The following ADAM18 variants were observed in gnomAD, a reference collection of about 807,000 sequenced individuals.
ADAM18 encodes ADAM metallopeptidase domain 18.
In ADAM18, 117 loss-of-function variants were observed where a neutral mutation model predicts 94.4. The ratio of observed to expected loss-of-function variants is 1.24; its 90% CI spans 1.07 to 1.45. ADAM18 has a LOEUF of 1.45. Ranked by LOEUF, ADAM18 falls within the 40% of genes most tolerant of loss-of-function variation. ADAM18 has a pLI of 0.00. For synonymous variants in ADAM18, 327 were observed against 291.6 expected (o/e 1.12, Z -1.24); for missense variants, 936 against 880.0 (o/e 1.06, Z -0.81).
intron 12 of ADAM18, among the ~76,000 whole-genome samples, chr8:39,649,894 T>C (rs1181375594): frequency 2.0e-5 from 3 of 152,208 alleles, no homozygotes; most frequent in Non-Finnish European, 4.4e-5. Context: ...TAAATCCAGC[T>C]GCCGCCCGCC....
At chr8:39,621,498 T>A (rs1011017470) in intron 6 of ADAM18, among the ~76,000 whole-genome samples, 3 of 151,778 alleles carry the variant, frequency 2.0e-5, no homozygotes, top group Non-Finnish European at 4.4e-5. Context: ...ATATGGAAAA[T>A]AAAAATAATC....
chr8:39,608,310 T>G (rs1237579290), intron 3 of ADAM18, among the ~76,000 whole-genome samples: 2 of 151,882 alleles, frequency 1.3e-5, no homozygotes, highest in Admixed American at 6.6e-5. Context: ...TTGTTTGTCC[T>G]GCAGATTATT....
chr8:39,670,017 T>C (rs1046828450), intron 14 of ADAM18, among the ~76,000 whole-genome samples: 3 of 152,222 alleles, frequency 2.0e-5, no homozygotes, highest in African/African-American at 7.2e-5. Flanking sequence ...CTAACTGGTG[T>C]GAGATGGTAT....
chr8:39,685,222 C>T (rs1473756929), intron 16 of ADAM18: 3 of 152,324 alleles, frequency 2.0e-5, no homozygotes, highest in Non-Finnish European at 2.9e-5. Context: ...GCCATGCCTC[C>T]ACAGCTTGTT....
intron 12 of ADAM18, among the ~76,000 whole-genome samples, chr8:39,650,099 A>T (rs867355477): frequency 1.1e-4 from 17 of 152,200 alleles, no homozygotes; most frequent in Non-Finnish European, 2.4e-4. Flanking sequence ...AGTAATTTGA[A>T]CTATATGAAA....
At chr8:39,637,848 T>C in intron 9 of ADAM18, 145 bp downstream of exon 9, 2 of 607,198 alleles carry the variant, frequency 3.3e-6, no homozygotes, top group Non-Finnish European at 5.1e-6. Flanking sequence ...GAGGTGCTAG[T>C]GTACTTAAAA....
chr8:39,588,515 T>C (rs1244919272), intron 2 of ADAM18, among the ~76,000 whole-genome samples: 1 of 152,218 alleles, frequency 6.6e-6, no homozygotes, highest in Non-Finnish European at 1.5e-5. Flanking sequence ...TATATTCTTC[T>C]ATTCCATAAA....
intron 17 of ADAM18, among the ~76,000 whole-genome samples, chr8:39,701,023 C>G (rs1338445343): frequency 7.3e-6 from 1 of 137,050 alleles, no homozygotes; most frequent in Non-Finnish European, 1.5e-5. Context: ...GAGGCTGAGG[C>G]AGGAGAATGG....
chr8:39,699,450 G>A (rs1247642362), intron 17 of ADAM18, among the ~76,000 whole-genome samples: 2 of 151,832 alleles, frequency 1.3e-5, no homozygotes. Context: ...TCCTAAAGCT[G>A]AATGATATTT....
chr8:39,688,011 G>T (rs1821654514), intron 16 of ADAM18, among the ~76,000 whole-genome samples: 1 of 152,120 alleles, frequency 6.6e-6, no homozygotes, highest in Admixed American at 6.6e-5. Context: ...GGGTCAAATT[G>T]TAGCTCTGTT....
chr8:39,622,883 T>C (rs1819654213), intron 6 of ADAM18, among the ~76,000 whole-genome samples: 1 of 152,112 alleles, frequency 6.6e-6, no homozygotes, highest in African/African-American at 2.4e-5. Context: ...TATATATATA[T>C]TTTTTCGTTT....
chr8:39,612,871 C>G (rs1819318953), intron 6 of ADAM18, among the ~76,000 whole-genome samples: 1 of 152,086 alleles, frequency 6.6e-6, no homozygotes, highest in Non-Finnish European at 1.5e-5. Flanking sequence ...CATGCATGTG[C>G]TAATAGCCTC....
chr8:39,607,157 T>C, intron 3 of ADAM18, among the ~76,000 whole-genome samples: 1 of 152,182 alleles, frequency 6.6e-6, no homozygotes, highest in Non-Finnish European at 1.5e-5. Flanking sequence ...AGTATAAAGT[T>C]CAATAATTTT....
chr8:39,607,847 C>T (rs1819138954), intron 3 of ADAM18, among the ~76,000 whole-genome samples: 1 of 148,212 alleles, frequency 6.7e-6, no homozygotes, highest in South Asian at 2.1e-4. Context: ...ATTCAATCAT[C>T]TGGTTGTTTA....
chr8:39,619,331 T>C (rs957597285), intron 6 of ADAM18, among the ~76,000 whole-genome samples: 4 of 152,192 alleles, frequency 2.6e-5, no homozygotes, highest in Admixed American at 2.6e-4. Flanking sequence ...AATGGACATT[T>C]ACAGGAGATC....
chr8:39,700,619 A>G (rs961546761), intron 17 of ADAM18, among the ~76,000 whole-genome samples: 2 of 152,136 alleles, frequency 1.3e-5, no homozygotes, highest in African/African-American at 4.8e-5. Flanking sequence ...CATTATTAAC[A>G]TTAATTTCTG....
intron 2 of ADAM18, among the ~76,000 whole-genome samples, chr8:39,594,637 G>A (rs1321517642): frequency 1.3e-5 from 2 of 150,828 alleles, no homozygotes; most frequent in Admixed American, 6.6e-5. Context: ...TTTATGTTAC[G>A]ACATTTCCTT....
At chr8:39,711,378 A>ACCTTTTT (rs1822392985) in intron 18 of ADAM18, among the ~76,000 whole-genome samples, 1 of 152,182 alleles carries the variant, frequency 6.6e-6, no homozygotes. Context: ...AAGGAAAAGG[A>ACCTTTTT]AAGCATGACC....
At chr8:39,651,468 C>A (rs1202067758) in intron 12 of ADAM18, among the ~76,000 whole-genome samples, 3 of 152,174 alleles carry the variant, frequency 2.0e-5, no homozygotes, top group Non-Finnish European at 4.4e-5. Flanking sequence ...TGCGGCCTTC[C>A]GCAGTGTATT....
Sources: gnomAD v4.1 joint callset for allele counts (sites outside exome capture counted in the v4.1 genomes callset) on GRCh38, gnomAD v4.1.1 for gene constraint, MANE v1.5 for transcripts, NCBI Gene and HGNC (gene_info 2026-07-23, HGNC 2026-07-21) for gene names.